COL4A5: variants seen among roughly 807,000 people sequenced by gnomAD.
The protein encoded by COL4A5 is collagen alpha-5(IV) chain.
In COL4A5, 26 loss-of-function variants were observed where a neutral mutation model predicts 130.2. The ratio of observed to expected loss-of-function variants is 0.20; its 90% CI spans 0.15 to 0.28. The LOEUF is 0.28. Among genes scored for constraint, COL4A5 ranks in the 10% least tolerant of loss-of-function variants. The pLI, the probability that COL4A5 is intolerant of heterozygous loss-of-function variation, is 1.00. For missense variants in COL4A5, 1,131 were observed against 1,344.3 expected (o/e 0.84, Z 2.48); for synonymous variants, 496 against 439.6 (o/e 1.13, Z -1.60).
At chrX:108,475,524 T>G (rs1468354684) in intron 1 of COL4A5, among the ~76,000 whole-genome samples, 2 of 111,395 alleles carry the variant, frequency 1.8e-5, no homozygotes, top group Admixed American at 1.9e-4. Flanking sequence ...TTGCTTCTAT[T>G]ATTAGTGGGA....
At chrX:108,626,393 T>C (rs756668915) in intron 36 of COL4A5, 44 bp downstream of exon 36, 28 of 1,199,359 alleles carry the variant, frequency 2.3e-5, no homozygotes, top group Non-Finnish European at 3.2e-5. Context: ...TGAGCAGATA[T>C]GAAATTTTTT....
At chrX:108,614,537 A>T (rs1312111527) in intron 29 of COL4A5, among the ~76,000 whole-genome samples, 1 of 111,877 alleles carries the variant, frequency 8.9e-6, no homozygotes, top group African/African-American at 3.2e-5. Flanking sequence ...TTTATAAGCC[A>T]TGGCCCTGAG....
intron 40 of COL4A5, among the ~76,000 whole-genome samples, chrX:108,667,513 C>T (rs1272649124): frequency 9.2e-6 from 1 of 109,169 alleles, no homozygotes; most frequent in African/African-American, 3.3e-5. Flanking sequence ...AAATATACGC[C>T]AATAATAAAA....
At chrX:108,664,134 G>A (rs866379567) in intron 37 of COL4A5, among the ~76,000 whole-genome samples, 3 of 111,553 alleles carry the variant, frequency 2.7e-5, no homozygotes, top group Non-Finnish European at 3.8e-5. Flanking sequence ...GCAGTGAGCC[G>A]TGATCGCGCC....
chrX:108,559,115 C>G lies in COL4A5; in HGVS notation c.193C>G (p.Pro65Ala). Reference protein sequence around the residue: ...LEGHPGLPGFPGPEGPPGPRG... With the variant: ...LEGHPGLPGFAGPEGPPGPRG... ...AGGACACCCAGGATTGCCTGGATTT[C>G]CAGGTCCAGAAGGGCCTCCGGGGCC... Residue 65 changes from proline (P) to alanine (A), a missense_variant, in exon 3 of 53, where the codon CCA becomes GCA. Coordinates refer to ENST00000328300, the MANE Select transcript of COL4A5 (RefSeq NM_033380.3). 1 of 1,211,015 alleles carries G rather than the reference C, an allele frequency of 8.3e-7. No individual in the cohort carries two copies.
intron 13 of COL4A5, among the ~76,000 whole-genome samples, chrX:108,579,652 A>G (rs1173048667): frequency 2.7e-5 from 3 of 112,068 alleles, no homozygotes; most frequent in Non-Finnish European, 1.9e-5. Context: ...TTTAAAGCAT[A>G]CTGGCCCACA....
At chrX:108,493,738 G>A (rs1410195650) in intron 1 of COL4A5, among the ~76,000 whole-genome samples, 1 of 108,742 alleles carries the variant, frequency 9.2e-6, no homozygotes, top group African/African-American at 3.3e-5. Context: ...TCTCTTGAGG[G>A]AGCTCCCCAA....
In COL4A5 at chrX:108,691,307, C is replaced by T. The variant is rs72618365; in HGVS notation, c.4529-1441C>T. ...ATATTGTACATGAGTGATGGACACC[C>T]TAAATACCCTGACTTGATCACTATG... On this transcript the variant is annotated intron_variant, in intron 49 of 52. Coordinates refer to ENST00000328300, the MANE Select transcript of COL4A5 (RefSeq NM_033380.3). 2.4e-3 allele frequency among the ~76,000 whole-genome samples: 271 copies of T among 110,613 alleles called. 2 individuals are homozygous for T. The East Asian group carries it at 0.03, about 12-fold the overall frequency.
intron 1 of COL4A5, among the ~76,000 whole-genome samples, chrX:108,464,802 A>G (rs2038516368): frequency 8.9e-6 from 1 of 112,503 alleles, no homozygotes; most frequent in African/African-American, 3.2e-5. Flanking sequence ...TGGCGCAAAC[A>G]GGGACCTCAG....
Position 108,535,097 on chromosome X carries a change from G to T in COL4A5, c.82-4649G>T, listed in dbSNP as rs750753222. 1.1e-4 allele frequency among the ~76,000 whole-genome samples: 12 copies of T among 110,787 alleles called. No individual in the cohort carries two copies. In the South Asian group the frequency reaches 1.1e-3, roughly 10 times the overall value. ...GTCTCTCTTCAGCTCTATCTAGTCT[G>T]TTGTGAAGCCCATCCATTGAGTTTT... is the stretch of plus-strand genomic sequence containing the variant. On this transcript the variant is annotated intron_variant, in intron 1 of 52. Coordinates refer to ENST00000328300, the MANE Select transcript of COL4A5 (RefSeq NM_033380.3).
chrX:108,504,497 C>CT (rs1313255528), intron 1 of COL4A5, among the ~76,000 whole-genome samples: 7 of 111,923 alleles, frequency 6.3e-5, no homozygotes, highest in African/African-American at 2.3e-4. Context: ...TGATAAAAGA[C>CT]TAATAGCCAC....
intron 36 of COL4A5, among the ~76,000 whole-genome samples, chrX:108,644,988 A>G (rs1169296648): frequency 1.8e-5 from 2 of 110,718 alleles, no homozygotes; most frequent in Non-Finnish European, 3.8e-5. Flanking sequence ...GTCAAAAATG[A>G]AATCAAGATG....
intron 2 of COL4A5, among the ~76,000 whole-genome samples, chrX:108,542,835 G>A (rs1444155595): frequency 9.4e-6 from 1 of 106,258 alleles, no homozygotes; most frequent in Non-Finnish European, 1.9e-5. Context: ...TTGTGGTTTT[G>A]ATTTGCATTT....
chrX:108,511,205 G>T (rs1399045436), intron 1 of COL4A5, among the ~76,000 whole-genome samples: 1 of 111,221 alleles, frequency 9.0e-6, no homozygotes, highest in African/African-American at 3.3e-5. Context: ...TTTTACAGTG[G>T]CCACTCCTGT....
At chrX:108,475,941 G>C (rs948397092) in intron 1 of COL4A5, among the ~76,000 whole-genome samples, 18 of 111,427 alleles carry the variant, frequency 1.6e-4, no homozygotes, top group African/African-American at 4.9e-4. Flanking sequence ...AGGATTTCAG[G>C]ATTTCATTTA....
At chrX:108,532,638 T>C (rs1195521450) in intron 1 of COL4A5, among the ~76,000 whole-genome samples, 1 of 111,318 alleles carries the variant, frequency 9.0e-6, no homozygotes, top group Non-Finnish European at 1.9e-5. Context: ...GCAGTCAAAT[T>C]GCCCCTCTTT....
chrX:108,458,360 T>C (rs2064604529), intron 1 of COL4A5, among the ~76,000 whole-genome samples: 1 of 111,754 alleles, frequency 8.9e-6, no homozygotes, highest in Non-Finnish European at 1.9e-5. Context: ...CTGTTTTGTA[T>C]TCTAGTCTGT....
chrX:108,571,920 T>G, intron 8 of COL4A5, 83 bp downstream of exon 8: 1 of 763,528 alleles, frequency 1.3e-6, no homozygotes, highest in Non-Finnish European at 2.0e-6. Context: ...TGACTCAAAC[T>G]TCTGTCTTAA....
intron 47 of COL4A5, 66 bp from the exon 48 acceptor site, chrX:108,685,965 C>T (rs1250210211): frequency 5.3e-6 from 5 of 943,248 alleles, no homozygotes; most frequent in Non-Finnish European, 6.1e-6. Context: ...AACCTTATGT[C>T]TCCTAGATCT....
Sources: allele counts gnomAD v4.1 joint callset (sites outside exome capture counted in the v4.1 genomes callset), GRCh38; gene constraint gnomAD v4.1.1; transcripts MANE v1.5; gene names NCBI Gene and HGNC (gene_info 2026-07-23, HGNC 2026-07-21).